The following FAIM variants were observed in gnomAD, a reference collection of about 807,000 sequenced individuals.
FAIM encodes the protein fas apoptotic inhibitory molecule 1.
In FAIM, 14 loss-of-function variants were observed where a neutral mutation model predicts 21.2. That is an observed-to-expected ratio of 0.66 (90% confidence interval 0.44 to 1.03). FAIM has a LOEUF of 1.03. Ranked by LOEUF, FAIM falls within the 50% of genes least tolerant of loss-of-function variation. The pLI is 0.00. For missense variants in FAIM, 222 were observed against 247.1 expected (o/e 0.90, Z 0.68); for synonymous variants, 86 against 80.4 (o/e 1.07, Z -0.37).
At chr3:138,623,037 C>CAAA (rs371960079) in intron 4 of FAIM, among the ~76,000 whole-genome samples, 1 of 101,050 alleles carries the variant, frequency 9.9e-6, no homozygotes. Context: ...GACTCCATCT[C>CAAA]AAAAAAAAAA....
intron 5 of FAIM, chr3:138,629,502 G>A (rs569298519): frequency 3.8e-4 from 66 of 174,284 alleles, no homozygotes; most frequent in Non-Finnish European, 7.1e-4. Flanking sequence ...TCCATTTGAA[G>A]TGGTGCGTTA....
At chr3:138,610,641 G>C (rs1242161994) in intron 1 of FAIM, 2 of 210,744 alleles carry the variant, frequency 9.5e-6, no homozygotes, top group Non-Finnish European at 1.9e-5. Context: ...GGAGTGCAGT[G>C]GCATGATCTC....
rs891202303 is a variant in FAIM at position 138,626,745 on chromosome 3, G to T, written c.407-2362G>T. On this transcript the variant is annotated intron_variant, in intron 4 of 5. Transcript: ENST00000360570. Reference sequence around the variant, plus strand: ...AGGACTTCTATTCTTCTGGGTCAAAGACTAATTGTATTTGTCATCTTAATA... The same window carrying T: ...AGGACTTCTATTCTTCTGGGTCAAATACTAATTGTATTTGTCATCTTAATA... Among the ~76,000 whole-genome samples, 4 of 152,264 alleles carry T rather than the reference G, an allele frequency of 2.6e-5. No individual in the cohort carries two copies. In the South Asian group the frequency reaches 8.3e-4, roughly 32 times the overall value.
chr3:138,613,838 C>G (rs1384304197), intron 1 of FAIM, among the ~76,000 whole-genome samples: 1 of 152,062 alleles, frequency 6.6e-6, no homozygotes, highest in Non-Finnish European at 1.5e-5. Context: ...TTGCTGCTAT[C>G]CTTTTGGTGT....
At chr3:138,617,481 C>G (rs1355126450) in intron 1 of FAIM, among the ~76,000 whole-genome samples, 2 of 146,552 alleles carry the variant, frequency 1.4e-5, no homozygotes, top group Non-Finnish European at 3.0e-5. Context: ...GACTGGGCAA[C>G]AGAGTGAGAC....
At chr3:138,628,088 C>T (rs1414495959) in intron 4 of FAIM, among the ~76,000 whole-genome samples, 4 of 152,174 alleles carry the variant, frequency 2.6e-5, no homozygotes, top group African/African-American at 9.7e-5. Context: ...GGGACTCCTC[C>T]ACCCTGAGAT....
At chr3:138,628,689 T>C (rs2042968408) in intron 4 of FAIM, among the ~76,000 whole-genome samples, 1 of 151,970 alleles carries the variant, frequency 6.6e-6, no homozygotes, top group Non-Finnish European at 1.5e-5. Flanking sequence ...TTCACCGTAT[T>C]AGCCAGGATG....
intron 2 of FAIM, among the ~76,000 whole-genome samples, chr3:138,620,358 C>A (rs1461412436): frequency 6.6e-6 from 1 of 152,086 alleles, no homozygotes; most frequent in Non-Finnish European, 1.5e-5. Context: ...ATAAATGATA[C>A]TTCTGTCAAA....
intron 4 of FAIM, 67 bp downstream of exon 4, chr3:138,622,483 T>C: frequency 1.9e-6 from 2 of 1,027,530 alleles, no homozygotes; most frequent in Non-Finnish European, 2.9e-6. Context: ...TTCCTGTAAC[T>C]GTATTCAGAC....
chr3:138,628,440 A>G (rs2042963728), intron 4 of FAIM, among the ~76,000 whole-genome samples: 1 of 151,842 alleles, frequency 6.6e-6, no homozygotes, highest in African/African-American at 2.4e-5. Flanking sequence ...GTCCCTCCTC[A>G]CATTCATCTG....
chr3:138,610,745 G>A (rs967552831), intron 1 of FAIM: 8 of 444,498 alleles, frequency 1.8e-5, no homozygotes, highest in South Asian at 5.7e-5. Context: ...TACCATGCCC[G>A]GCAAATTTTT....
At chr3:138,612,754 A>G (rs371272973) in intron 1 of FAIM, among the ~76,000 whole-genome samples, 38 of 152,326 alleles carry the variant, frequency 2.5e-4, no homozygotes, top group East Asian at 2.3e-3. Context: ...AGGAACTGTC[A>G]TATCATTTTG....
intron 4 of FAIM, among the ~76,000 whole-genome samples, chr3:138,627,163 T>G (rs1320527974): frequency 6.6e-6 from 1 of 151,968 alleles, no homozygotes; most frequent in African/African-American, 2.4e-5. Context: ...TTTTCTTCAA[T>G]TGTGCTGTGG....
chr3:138,628,566 G>A (rs2042966351), intron 4 of FAIM, among the ~76,000 whole-genome samples: 1 of 151,750 alleles, frequency 6.6e-6, no homozygotes, highest in Non-Finnish European at 1.5e-5. Flanking sequence ...CTCACTGCAA[G>A]CTCCACCTCC....
chr3:138,621,201 C>A, intron 2 of FAIM: 1 of 553,310 alleles, frequency 1.8e-6, no homozygotes, highest in Non-Finnish European at 3.2e-6. Flanking sequence ...GACTATGTAC[C>A]CATATATAGT....
chr3:138,632,539 C>T (rs2043016929), intron 5 of FAIM, among the ~76,000 whole-genome samples: 1 of 152,086 alleles, frequency 6.6e-6, no homozygotes, highest in African/African-American at 2.4e-5. Context: ...AACACTCCAT[C>T]CCTGGCTGGA....
chr3:138,618,610 G>A (rs1164618917), intron 1 of FAIM, among the ~76,000 whole-genome samples: 1 of 152,212 alleles, frequency 6.6e-6, no homozygotes. Flanking sequence ...AGAAGTTGCA[G>A]TGAGCCAAGA....
At chr3:138,612,833 C>T (rs1440098697) in intron 1 of FAIM, among the ~76,000 whole-genome samples, 1 of 152,120 alleles carries the variant, frequency 6.6e-6, no homozygotes, top group Non-Finnish European at 1.5e-5. Flanking sequence ...CACATCCTTG[C>T]CAACACTGAT....
chr3:138,632,307 T>C (rs1049317479), intron 5 of FAIM, among the ~76,000 whole-genome samples: 22 of 152,074 alleles, frequency 1.4e-4, no homozygotes, highest in African/African-American at 5.1e-4. Flanking sequence ...ATACATTTTT[T>C]TGTTTCATAC....
Sources: allele counts gnomAD v4.1 joint callset (sites outside exome capture counted in the v4.1 genomes callset), GRCh38; gene constraint gnomAD v4.1.1; transcripts MANE v1.5; gene names NCBI Gene and HGNC (gene_info 2026-07-23, HGNC 2026-07-21).